Variants in NRXN3 observed in about 807,000 individuals in gnomAD.
NRXN3 encodes neurexin III.
A neutral mutation model predicts 137.6 loss-of-function variants in NRXN3; 32 were observed. The observed-to-expected ratio is 0.23, with a 90% confidence interval of 0.18 to 0.31. The LOEUF is 0.31. NRXN3 is among the 10% of genes least tolerant of loss of function. NRXN3 has a pLI of 1.00. For synonymous variants in NRXN3, 798 were observed against 784.5 expected, an observed-to-expected ratio of 1.02 and a Z score of -0.29; for missense variants, 1,574 against 2,062.5, an observed-to-expected ratio of 0.76 and a Z score of 4.59.
intron 3 of NRXN3, among the ~76,000 whole-genome samples, chr14:78,288,003 G>A (rs918763351): frequency 6.7e-6 from 1 of 150,286 alleles, no homozygotes; most frequent in African/African-American, 2.4e-5. Context: ...TTTTTGAGAT[G>A]GAGTCTTGCT....
chr14:79,284,384 A>ATATATATATATATATG (rs2081895234), intron 15 of NRXN3, among the ~76,000 whole-genome samples: 1 of 114,288 alleles, frequency 8.7e-6, no homozygotes, highest in Admixed American at 8.2e-5. Flanking sequence ...ATATATATAT[A>ATATATATATATATATG]TGTATCTCCA....
Position 78,314,989 on chromosome 14 carries a change from T to C in NRXN3, c.757+17129T>C, listed in dbSNP as rs1349506106. Reference sequence around the variant, plus strand: ...TTCCTTCCTTCCTTCCTTCCTTCCTTTCTCTTTCTTTCTTTCTTTCTTTTC... The same window carrying C: ...TTCCTTCCTTCCTTCCTTCCTTCCTCTCTCTTTCTTTCTTTCTTTCTTTTC... On this transcript the variant is annotated intron_variant, in intron 4 of 20. Transcript: ENST00000335750. Among the ~76,000 whole-genome samples the C allele has an allele frequency of 2.5e-3, 173 of 68,322 alleles. 1 individual carries two copies. The highest frequency in any genetic ancestry group is 0.016 in the African/African-American group (167 of 10,444). 44.8% of individuals were successfully genotyped at this position (68,322 alleles called of 152,430 possible).
In NRXN3 at chr14:79,839,006, T is replaced by C. The variant is rs149081753; in HGVS notation, c.4094-22336T>C. 2.6e-3 allele frequency among the ~76,000 whole-genome samples: 391 copies of C among 152,324 alleles called. 3 individuals are homozygous for C. The highest frequency in any genetic ancestry group is 9.0e-3 in the African/African-American group (374 of 41,572). ...CAACACCTTGTTCTATAAAATAGTATGTTCTGATGAGCTGGGCAAGGTGTT... is the reference window on the plus strand; with the variant it reads ...CAACACCTTGTTCTATAAAATAGTACGTTCTGATGAGCTGGGCAAGGTGTT... On this transcript the variant is annotated intron_variant, in intron 20 of 20. Coordinates refer to ENST00000335750, the MANE Select transcript of NRXN3 (RefSeq NM_001330195.2).
chr14:79,081,701 C>T (rs563976416), intron 15 of NRXN3, among the ~76,000 whole-genome samples: 15 of 151,276 alleles, frequency 9.9e-5, no homozygotes, highest in Non-Finnish European at 1.8e-4. Context: ...AATTACTATA[C>T]GGTACAAAAA....
At chr14:78,573,708 C>T (rs1053836110) in intron 4 of NRXN3, among the ~76,000 whole-genome samples, 4 of 152,030 alleles carry the variant, frequency 2.6e-5, no homozygotes, top group African/African-American at 9.7e-5. Context: ...GGAATTGGAA[C>T]TTATATTTAA....
At chr14:79,441,038 A>G (rs1600328041) in intron 15 of NRXN3, among the ~76,000 whole-genome samples, 1 of 152,204 alleles carries the variant, frequency 6.6e-6, no homozygotes, top group African/African-American at 2.4e-5. Context: ...TAATTGACCA[A>G]TGTGGCAAGG....
intron 19 of NRXN3, among the ~76,000 whole-genome samples, chr14:79,742,112 A>C (rs2098965226): frequency 6.6e-6 from 1 of 152,132 alleles, no homozygotes; most frequent in Admixed American, 6.6e-5. Flanking sequence ...TTTGCAATAT[A>C]GTGTGGCAGA....
chr14:79,454,370 C>T (rs1196170629), intron 15 of NRXN3, among the ~76,000 whole-genome samples: 1 of 152,122 alleles, frequency 6.6e-6, no homozygotes, highest in Non-Finnish European at 1.5e-5. Context: ...GCATGCACCA[C>T]CAGGCCTGGC....
chr14:78,467,719 A>C (rs938559766), intron 4 of NRXN3, among the ~76,000 whole-genome samples: 7 of 152,232 alleles, frequency 4.6e-5, no homozygotes, highest in African/African-American at 1.7e-4. Flanking sequence ...TGCAAGTGCA[A>C]GCATTGAAAC....
intron 8 of NRXN3, among the ~76,000 whole-genome samples, chr14:78,761,118 T>A (rs1595600601): frequency 6.6e-6 from 1 of 152,150 alleles, no homozygotes; most frequent in East Asian, 1.9e-4. Flanking sequence ...TAAAAAACAA[T>A]CTTCATGGAG....
chr14:78,725,558 G>A (rs2098479160), intron 8 of NRXN3, among the ~76,000 whole-genome samples: 1 of 152,204 alleles, frequency 6.6e-6, no homozygotes, highest in African/African-American at 2.4e-5. Context: ...GCCACTATAA[G>A]GTGGAGCCTC....
At chr14:79,231,245 C>T (rs2072134401) in intron 15 of NRXN3, among the ~76,000 whole-genome samples, 1 of 152,060 alleles carries the variant, frequency 6.6e-6, no homozygotes, top group Non-Finnish European at 1.5e-5. Context: ...CTAAAGAGAG[C>T]TCTTTAAAAT....
intron 19 of NRXN3, among the ~76,000 whole-genome samples, chr14:79,702,901 A>ACCTTC (rs1391972381): frequency 4.1e-5 from 2 of 49,124 alleles, no homozygotes; most frequent in African/African-American, 1.6e-4. Flanking sequence ...CTTTTACCTT[A>ACCTTC]TGTCTCCATC....
intron 16 of NRXN3, among the ~76,000 whole-genome samples, chr14:79,557,454 G>A (rs2097441915): frequency 6.6e-6 from 1 of 152,020 alleles, no homozygotes; most frequent in Non-Finnish European, 1.5e-5. Context: ...TTCATATTAG[G>A]CAGACTTTGG....
chr14:78,709,971 G>A (rs919286921), intron 7 of NRXN3: 22 of 300,582 alleles, frequency 7.3e-5, no homozygotes, highest in South Asian at 5.8e-4. Context: ...GGTGTGATCC[G>A]CCCCCATTGC....
chr14:78,649,143 G>T, intron 5 of NRXN3: 1 of 523,308 alleles, frequency 1.9e-6, no homozygotes, highest in Admixed American at 3.1e-5. Flanking sequence ...TTCATGCAAT[G>T]TGTCATTTTA....
chr14:78,451,047 G>C (rs1453612952), intron 4 of NRXN3, among the ~76,000 whole-genome samples: 1 of 152,126 alleles, frequency 6.6e-6, no homozygotes, highest in South Asian at 2.1e-4. Flanking sequence ...GGAAGGATGG[G>C]GTTGTGCTTG....
rs1555354292 is a variant in NRXN3 at position 78,532,375 on chromosome 14, T to TG, written c.758-112745_758-112744insG. Among the ~76,000 whole-genome samples the TG allele has an allele frequency of 1.4e-5, 2 of 138,586 alleles. 1 individual carries two copies. Among genetic ancestry groups the TG allele is most frequent in the African/African-American group, 5.4e-5 (2 of 36,900 alleles). 90.9% of individuals were successfully genotyped at this position (138,586 alleles called of 152,430 possible). A position where few individuals can be genotyped will look rare whatever the true frequency, so the allele number is the denominator to read the frequency against. ...AAAGAAAAAGAAAATTGATGATATTTTGTGTGTGTGTGTGTGTGTGTGTGT... is the reference window on the plus strand; with the variant it reads ...AAAGAAAAAGAAAATTGATGATATTTGTGTGTGTGTGTGTGTGTGTGTGTGT... On this transcript the variant is annotated intron_variant, in intron 4 of 20. Transcript: ENST00000335750.
intron 14 of NRXN3, among the ~76,000 whole-genome samples, chr14:78,987,455 A>G (rs1227649038): frequency 1.3e-5 from 2 of 152,206 alleles, no homozygotes; most frequent in African/African-American, 4.8e-5. Flanking sequence ...TAATGTAAAT[A>G]CATTGTTTAG....
Sources: gnomAD v4.1 joint callset for allele counts (sites outside exome capture counted in the v4.1 genomes callset) on GRCh38, gnomAD v4.1.1 for gene constraint, MANE v1.5 for transcripts, NCBI Gene and HGNC (gene_info 2026-07-23, HGNC 2026-07-21) for gene names.